TTC17: variants seen among roughly 807,000 people sequenced by gnomAD.
The protein encoded by TTC17 is tetratricopeptide repeat protein 17.
A neutral mutation model predicts 143.8 loss-of-function variants in TTC17; 58 were observed. The observed-to-expected ratio is 0.40, with a 90% CI of 0.33 to 0.50. TTC17 has a LOEUF of 0.50. Among genes scored for constraint, TTC17 ranks in the 20% least tolerant of loss-of-function variants. TTC17 has a pLI of 0.49. For synonymous variants in TTC17, 501 were observed against 497.8 expected, an observed-to-expected ratio of 1.01 and a Z score of -0.09; for missense variants, 1,273 against 1,392.5, an observed-to-expected ratio of 0.91 and a Z score of 1.37.
At chr11:43,468,367 A>AT (rs1379025515) in intron 21 of TTC17, 1 of 152,198 alleles carries the variant, frequency 6.6e-6, no homozygotes, top group Non-Finnish European at 1.5e-5. Context: ...TGGTCAAATG[A>AT]TTTTCTCAAA....
intron 2 of TTC17, among the ~76,000 whole-genome samples, chr11:43,380,181 A>G (rs1856912394): frequency 6.6e-6 from 1 of 152,226 alleles, no homozygotes; most frequent in African/African-American, 2.4e-5. Context: ...TGACTTCACA[A>G]AGCAAGATAT....
chr11:43,366,861 G>A (rs188566248), intron 1 of TTC17, among the ~76,000 whole-genome samples: 85 of 152,210 alleles, frequency 5.6e-4, no homozygotes, highest in African/African-American at 1.9e-3. Context: ...CAAATATGCC[G>A]TGTTCTCACT....
intron 16 of TTC17, among the ~76,000 whole-genome samples, chr11:43,425,744 C>T (rs754538140): frequency 1.3e-5 from 2 of 152,082 alleles, no homozygotes; most frequent in Non-Finnish European, 2.9e-5. Flanking sequence ...CATACTGAGC[C>T]ACTCTTTGGC....
chr11:43,470,395 T>G (rs566601225), intron 21 of TTC17, among the ~76,000 whole-genome samples: 1 of 152,342 alleles, frequency 6.6e-6, no homozygotes, highest in South Asian at 2.1e-4. Flanking sequence ...TAAGTTCCAA[T>G]AAAGAATCAA....
intron 16 of TTC17, among the ~76,000 whole-genome samples, chr11:43,428,323 G>A (rs967270027): frequency 2.6e-5 from 4 of 152,204 alleles, no homozygotes; most frequent in African/African-American, 9.6e-5. Flanking sequence ...AAATAGCTAT[G>A]TCAGTTAATT....
intron 16 of TTC17, among the ~76,000 whole-genome samples, chr11:43,437,240 T>C (rs1947313411): frequency 6.6e-6 from 1 of 152,122 alleles, no homozygotes. Flanking sequence ...TGATCTCTCT[T>C]AAGAACATCA....
At chr11:43,368,373 A>G (rs1856431930) in intron 1 of TTC17, among the ~76,000 whole-genome samples, 1 of 152,138 alleles carries the variant, frequency 6.6e-6, no homozygotes, top group African/African-American at 2.4e-5. Flanking sequence ...ATCATGTCCT[A>G]AACTAAACTC....
At position 43,479,298 on chromosome 11, in the gene TTC17, A is replaced by G. The variant is rs756217696; in HGVS notation, c.3031-10941A>G. ...TATATACTTGAAATTTTTCATTATA[A>G]AACATTTAAATGATGTGATTACAAA... On this transcript the variant is annotated intron_variant, in intron 21 of 23. Transcript: ENST00000039989. Among the ~76,000 whole-genome samples, 4 of 152,244 alleles carry G rather than the reference A, an allele frequency of 2.6e-5. No individual in the cohort carries two copies. In the East Asian group the frequency reaches 7.7e-4, roughly 29 times the overall value.
At chr11:43,473,729 A>T (rs1948132094) in intron 21 of TTC17, among the ~76,000 whole-genome samples, 2 of 151,986 alleles carry the variant, frequency 1.3e-5, no homozygotes, top group South Asian at 4.1e-4. Context: ...AAAAAAATAA[A>T]AATAATTAGC....
chr11:43,378,374 T>C (rs948435581), intron 1 of TTC17, among the ~76,000 whole-genome samples: 9 of 152,238 alleles, frequency 5.9e-5, no homozygotes, highest in African/African-American at 2.2e-4. Flanking sequence ...TGCTTCCTTA[T>C]GTAAAGCTCT....
In TTC17 at chr11:43,493,288, G is replaced by A. The variant is rs564871264; in HGVS notation, c.3295-485G>A. On this transcript the variant is annotated intron_variant, in intron 23 of 23. Transcript: ENST00000039989. ...TTTTAAAACTCTTCAAAATGTACAA[G>A]TCCAGTTGAGATACCGGACTTAGTT... Among the ~76,000 whole-genome samples, 13 of 152,272 alleles carry A rather than the reference G, an allele frequency of 8.5e-5. No homozygotes were observed. In the South Asian group the frequency reaches 2.3e-3, roughly 27 times the overall value.
At chr11:43,430,253 C>T (rs1321458741) in intron 16 of TTC17, among the ~76,000 whole-genome samples, 2 of 152,092 alleles carry the variant, frequency 1.3e-5, no homozygotes, top group Non-Finnish European at 2.9e-5. Flanking sequence ...CATGCTGAAA[C>T]CCTGTCTCTA....
At position 43,475,394 on chromosome 11, in the gene TTC17, G is replaced by A. The variant is rs970788704; in HGVS notation, c.3031-14845G>A. 7.2e-5 allele frequency among the ~76,000 whole-genome samples: 11 copies of A among 152,234 alleles called. 1 individual carries two copies. In the South Asian group the frequency reaches 8.3e-4, roughly 11 times the overall value. On this transcript the variant is annotated intron_variant, in intron 21 of 23. Coordinates refer to ENST00000039989, the MANE Select transcript of TTC17 (RefSeq NM_018259.6). ...TCGCCCAGGCTAAAGGTGCAGTGGC[G>A]TGATCACCACTCACTACAGCCTCAA...
At position 43,375,645 on chromosome 11, in the gene TTC17, T is replaced by TA. The variant is rs910030814; in HGVS notation, c.160-3577dup. On this transcript the variant is annotated intron_variant, in intron 1 of 23. Transcript: ENST00000039989. ...TTCGTGTACCTAGATGAATACCATT[T>TA]AAAAAAAAAAACAGTGAAAGTGTTC... 9.7e-3 allele frequency among the ~76,000 whole-genome samples: 1,417 copies of TA among 146,372 alleles called. 22 individuals are homozygous for TA. Among genetic ancestry groups the TA allele is most frequent in the African/African-American group, 0.032 (1,288 of 40,138 alleles).
At chr11:43,375,102 G>C (rs1307856996) in intron 1 of TTC17, among the ~76,000 whole-genome samples, 2 of 152,208 alleles carry the variant, frequency 1.3e-5, no homozygotes, top group Non-Finnish European at 2.9e-5. Context: ...ACAAGGATCA[G>C]TTTTTCTGTT....
At chr11:43,381,413 A>C (rs557276769) in intron 2 of TTC17, among the ~76,000 whole-genome samples, 1 of 152,338 alleles carries the variant, frequency 6.6e-6, no homozygotes, top group Admixed American at 6.5e-5. Context: ...TCTGATATGC[A>C]GCACTGTGGA....
intron 5 of TTC17, among the ~76,000 whole-genome samples, chr11:43,395,706 T>C (rs1349574112): frequency 2.6e-5 from 4 of 152,144 alleles, no homozygotes; most frequent in African/African-American, 9.6e-5. Flanking sequence ...ATTGTACTTA[T>C]TGTAGTCTTA....
chr11:43,386,163 A>G (rs1026774300), intron 2 of TTC17, among the ~76,000 whole-genome samples: 1 of 151,946 alleles, frequency 6.6e-6, no homozygotes, highest in Admixed American at 6.5e-5. Context: ...AATACCTTTC[A>G]ATGTACAAAA....
chr11:43,463,999 G>A (rs902224955), intron 21 of TTC17, among the ~76,000 whole-genome samples: 5 of 152,322 alleles, frequency 3.3e-5, no homozygotes, highest in African/African-American at 7.2e-5. Context: ...CATTCCACGG[G>A]GCGTGGTGGC....
Sources: gnomAD v4.1 joint callset for allele counts (sites outside exome capture counted in the v4.1 genomes callset) on GRCh38, gnomAD v4.1.1 for gene constraint, MANE v1.5 for transcripts, NCBI Gene and HGNC (gene_info 2026-07-23, HGNC 2026-07-21) for gene names.